The following TBC1D10A variants were observed in gnomAD, a reference collection of about 807,000 sequenced individuals.
TBC1D10A encodes the protein TBC1 domain family member 10A, also known as EBP50-PDX interactor of 64 kDa.
Under a neutral mutation model 52.9 loss-of-function variants are expected in TBC1D10A, and 24 were observed. The observed-to-expected ratio is 0.45, with a 90% CI of 0.33 to 0.64. TBC1D10A has a LOEUF of 0.64. Ranked by LOEUF, TBC1D10A falls within the 30% of genes least tolerant of loss-of-function variation. The probability of loss-of-function intolerance (pLI) is 0.02; values close to 1 mark genes in which losing one functional copy is unlikely to be tolerated. For missense variants in TBC1D10A, 602 were observed against 687.9 expected (o/e 0.88, Z 1.40); for synonymous variants, 278 against 282.9 (o/e 0.98, Z 0.17).
At chr22:30,320,855 G>C (rs1436393805) in intron 1 of TBC1D10A, among the ~76,000 whole-genome samples, 2 of 152,226 alleles carry the variant, frequency 1.3e-5, no homozygotes, top group Admixed American at 6.5e-5. Flanking sequence ...GAGAAACTGA[G>C]GCTCAGAGAA....
chr22:30,311,237 G>A (rs1407790015), intron 1 of TBC1D10A, among the ~76,000 whole-genome samples: 1 of 152,204 alleles, frequency 6.6e-6, no homozygotes, highest in Non-Finnish European at 1.5e-5. Flanking sequence ...AGGGTAGGCT[G>A]GTGGTGTGCA....
chr22:30,310,831 T>TC (rs1930410606), intron 1 of TBC1D10A, among the ~76,000 whole-genome samples: 1 of 151,932 alleles, frequency 6.6e-6, no homozygotes, highest in South Asian at 2.1e-4. Flanking sequence ...ACATATAAAG[T>TC]CCCCCGCTCA....
At chr22:30,311,608 G>A (rs908139293) in intron 1 of TBC1D10A, among the ~76,000 whole-genome samples, 5 of 152,148 alleles carry the variant, frequency 3.3e-5, no homozygotes, top group Non-Finnish European at 7.4e-5. Flanking sequence ...ACTGGCCTTG[G>A]TGCCCTGGAC....
chr22:30,293,216 C>T (rs1185556353), intron 8 of TBC1D10A: 5 of 629,116 alleles, frequency 7.9e-6, no homozygotes, highest in South Asian at 1.5e-5. Context: ...TCCAGCTCCA[C>T]CTGGGTGGGT....
At chr22:30,326,645 C>T in intron 1 of TBC1D10A, 28 bp downstream of exon 1, 1 of 1,560,058 alleles carries the variant, frequency 6.4e-7, no homozygotes, top group Non-Finnish European at 8.7e-7. Flanking sequence ...GGGTGGCGCG[C>T]TCAGTCCCGA....
chr22:30,292,674 T>G lies in TBC1D10A; in HGVS notation c.1228A>C (p.Ile410Leu). Residue 410 changes from isoleucine (I) to leucine (L), a missense_variant, in exon 9 of 9, where the codon ATC (isoleucine) becomes CTC (leucine). This residue lies in a region of TBC1D10A where 265 missense variants were observed against 275.1 expected (regional missense o/e 0.96). Transcript: ENST00000215790. ...AGGGGGGCATCTAGGGGCAGGCGGA[T>G]GGATGGTGAAGGTTGTAGGGCAGGC... ...PRPALQPSPS[I>L]RLPLDAPLPG... 1 of 1,609,086 alleles carries G rather than the reference T, an allele frequency of 6.2e-7. No homozygotes were observed. The highest frequency in any genetic ancestry group is 8.5e-7 in the Non-Finnish European group (1 of 1,177,486).
chr22:30,298,543 G>A (rs1930133194), intron 3 of TBC1D10A: 1 of 152,288 alleles, frequency 6.6e-6, no homozygotes, highest in Non-Finnish European at 1.5e-5. Flanking sequence ...AGTGTTCAAT[G>A]AAGAAGCATG....
chr22:30,296,003 T>C, intron 3 of TBC1D10A, 160 bp from the exon 4 acceptor site: 1 of 654,240 alleles, frequency 1.5e-6, no homozygotes, highest in Non-Finnish European at 2.6e-6. Context: ...GAAGAGAAGC[T>C]CAGGTAAGGA....
intron 8 of TBC1D10A, chr22:30,293,128 C>T (rs1929988531): frequency 1.6e-6 from 1 of 633,204 alleles, no homozygotes; most frequent in Non-Finnish European, 2.9e-6. Flanking sequence ...GGGGTAAGAC[C>T]CAGACAGACA....
chr22:30,296,126 C>T, intron 3 of TBC1D10A: 1 of 401,974 alleles, frequency 2.5e-6, no homozygotes, highest in Non-Finnish European at 4.5e-6. Flanking sequence ...GCTGGAAGGA[C>T]CTCTAGACAT....
intron 1 of TBC1D10A, chr22:30,307,699 AG>A (rs1316408156): frequency 2.6e-5 from 4 of 152,236 alleles, no homozygotes; most frequent in African/African-American, 9.6e-5. Flanking sequence ...TACCATTCGT[AG>A]ATTATTTACT....
Position 30,326,699 on chromosome 22 carries a change from G to T in TBC1D10A, c.183C>A (p.Ile61=). The T allele has an allele frequency of 1.3e-6, 2 of 1,549,404 alleles. No homozygotes were observed. Among genetic ancestry groups the T allele is most frequent in the South Asian group, 1.2e-5 (1 of 86,750 alleles). The change falls in exon 1 of 9, where the codon ATC becomes ATA. Residue 61 remains isoleucine, a synonymous_variant. Transcript: ENST00000215790. ...CGCCCTCGGCGCCCTGCGAGCCCAC[G>T]ATGAAGCCGAACTTGTCGATGCGGC... ...AERRIDKFGF[I]VGSQGAEGAL...
At chr22:30,324,473 C>T (rs924359179) in intron 1 of TBC1D10A, among the ~76,000 whole-genome samples, 1 of 152,152 alleles carries the variant, frequency 6.6e-6, no homozygotes, top group Admixed American at 6.6e-5. Flanking sequence ...CTACAGACAG[C>T]AGCCATGTAG....
At chr22:30,302,477 T>C (rs1333312273) in intron 2 of TBC1D10A, among the ~76,000 whole-genome samples, 1 of 152,208 alleles carries the variant, frequency 6.6e-6, no homozygotes, top group African/African-American at 2.4e-5. Flanking sequence ...AGGAGAAGTG[T>C]TGGGTCTGAG....
chr22:30,322,963 C>T (rs572576652), intron 1 of TBC1D10A, among the ~76,000 whole-genome samples: 1 of 149,236 alleles, frequency 6.7e-6, no homozygotes, highest in African/African-American at 2.5e-5. Flanking sequence ...CACAGTGGCA[C>T]CATCTTGGCT....
At position 30,292,689 on chromosome 22, in the gene TBC1D10A, G is replaced by T; in HGVS notation, c.1213C>A (p.Gln405Lys). Reference sequence around the variant, plus strand: ...GGCAGGCGGATGGATGGTGAAGGTTGTAGGGCAGGCCGGGGACCAGGTTCT... The same window carrying T: ...GGCAGGCGGATGGATGGTGAAGGTTTTAGGGCAGGCCGGGGACCAGGTTCT... ...DAEPGPRPAL[Q>K]PSPSIRLPLD... The change falls in exon 9 of 9, where the codon CAA becomes AAA. Residue 405 changes from glutamine to lysine, a missense_variant. Physicochemically the swap from Gln to Lys is moderately conservative, Grantham distance 53. Transcript: ENST00000215790. 2 of 1,609,014 alleles carry T rather than the reference G, an allele frequency of 1.2e-6. No individual in the cohort carries two copies. Among genetic ancestry groups the T allele is most frequent in the Non-Finnish European group, 1.7e-6 (2 of 1,177,400 alleles).
chr22:30,310,826 TA>T (rs747743870), intron 1 of TBC1D10A, among the ~76,000 whole-genome samples: 4 of 152,040 alleles, frequency 2.6e-5, no homozygotes, highest in Non-Finnish European at 5.9e-5. Context: ...ACAAGACATA[TA>T]AAGTCCCCCG....
At chr22:30,318,359 A>G (rs1414423985) in intron 1 of TBC1D10A, among the ~76,000 whole-genome samples, 2 of 152,004 alleles carry the variant, frequency 1.3e-5, no homozygotes, top group African/African-American at 4.8e-5. Context: ...TTATCATCCA[A>G]TATGTCTGCC....
intron 1 of TBC1D10A, among the ~76,000 whole-genome samples, chr22:30,319,674 G>C (rs1475465830): frequency 3.3e-5 from 5 of 152,190 alleles, no homozygotes; most frequent in African/African-American, 9.7e-5. Context: ...AATCCTAGGT[G>C]GGGGCTTCTA....
Sources: allele counts gnomAD v4.1 joint callset (sites outside exome capture counted in the v4.1 genomes callset), GRCh38; gene constraint gnomAD v4.1.1; regional missense constraint gnomAD v4.1.1; transcripts MANE v1.5; gene names NCBI Gene and HGNC (gene_info 2026-07-23, HGNC 2026-07-21).